Variants in XPO6 observed in about 807,000 individuals in gnomAD.
The protein encoded by XPO6 is exportin-6.
In XPO6, 3 loss-of-function variants were observed where a neutral mutation model predicts 130.0. The ratio of observed to expected loss-of-function variants is 0.02; its 90% CI spans 0.01 to 0.06. The LOEUF is 0.06. Among genes scored for constraint, XPO6 ranks in the 10% least tolerant of loss-of-function variants. The probability of loss-of-function intolerance (pLI) is 1.00; values close to 1 mark genes in which losing one functional copy is unlikely to be tolerated. For missense variants in XPO6, 970 were observed against 1,393.0 expected (o/e 0.70, Z 4.83); for synonymous variants, 524 against 548.9 (o/e 0.95, Z 0.63).
intron 9 of XPO6, among the ~76,000 whole-genome samples, chr16:28,141,189 T>C (rs1177206996): frequency 6.6e-6 from 1 of 152,176 alleles, no homozygotes; most frequent in African/African-American, 2.4e-5. Flanking sequence ...TTGTTTACAG[T>C]CCTATCTAAT....
At chr16:28,116,599 G>C (rs72789643) in intron 15 of XPO6, among the ~76,000 whole-genome samples, 1 of 151,686 alleles carries the variant, frequency 6.6e-6, no homozygotes, top group African/African-American at 2.4e-5. Flanking sequence ...CCTTTCACTC[G>C]AACACGTAAA....
intron 13 of XPO6, among the ~76,000 whole-genome samples, chr16:28,124,205 A>G (rs2087330612): frequency 6.6e-6 from 1 of 151,952 alleles, no homozygotes; most frequent in African/African-American, 2.4e-5. Flanking sequence ...TTACAGGCGC[A>G]TGTCCCCACG....
intron 1 of XPO6, among the ~76,000 whole-genome samples, chr16:28,204,135 T>C (rs1200389164): frequency 6.6e-6 from 1 of 152,162 alleles, no homozygotes; most frequent in Non-Finnish European, 1.5e-5. Context: ...TTGCCCACTA[T>C]GCCAAGAATT....
chr16:28,185,797 C>T (rs916974929), intron 1 of XPO6, among the ~76,000 whole-genome samples: 2 of 152,170 alleles, frequency 1.3e-5, no homozygotes, highest in Admixed American at 6.5e-5. Context: ...CTTGGCTCAC[C>T]TCAATAGCAA....
intron 7 of XPO6, 193 bp downstream of exon 7, chr16:28,155,881 T>G: frequency 7.4e-7 from 1 of 1,352,920 alleles, no homozygotes; most frequent in East Asian, 2.7e-5. Flanking sequence ...TTTTTCAAAC[T>G]CAGTCACTTC....
chr16:28,107,773 C>A, intron 17 of XPO6, 96 bp from the exon 18 acceptor site: 1 of 1,361,636 alleles, frequency 7.3e-7, no homozygotes, highest in Non-Finnish European at 1.0e-6. Flanking sequence ...GCAAAGGTAC[C>A]AAGAAGATGA....
intron 5 of XPO6, among the ~76,000 whole-genome samples, chr16:28,167,943 T>A (rs1189334753): frequency 1.2e-5 from 1 of 82,942 alleles, no homozygotes; most frequent in African/African-American, 4.6e-5. Flanking sequence ...TGGGGCGGGG[T>A]GGGGGAGGGT....
chr16:28,105,679 T>G (rs1480333877), intron 20 of XPO6: 1 of 184,654 alleles, frequency 5.4e-6, no homozygotes, highest in Admixed American at 5.6e-5. Context: ...TTGAATGGTT[T>G]CAAGAACTTG....
At chr16:28,157,519 A>C (rs1272748836) in intron 6 of XPO6, among the ~76,000 whole-genome samples, 3 of 152,222 alleles carry the variant, frequency 2.0e-5, no homozygotes, top group African/African-American at 4.8e-5. Context: ...AGGGAAAGTT[A>C]CCAGGCAGAC....
chr16:28,112,445 T>C (rs2086950532), intron 16 of XPO6, among the ~76,000 whole-genome samples: 1 of 152,182 alleles, frequency 6.6e-6, no homozygotes, highest in Non-Finnish European at 1.5e-5. Flanking sequence ...TGGTACCCTC[T>C]TCAAACCTTC....
At position 28,146,098 on chromosome 16, in the gene XPO6, T is replaced by C; in HGVS notation, c.1330A>G (p.Asn444Asp). 6.2e-7 allele frequency: 1 copy of C among 1,612,320 alleles called. No homozygotes were observed. The highest frequency in any genetic ancestry group is 8.5e-7 in the Non-Finnish European group (1 of 1,178,580). ...SRLGDKEAVL[N>D]RYEDALVLLL... ...TTCAGTGTTTGAGGAGTTTACCTGT[T>C]GAGAACTGCTTCCTTGTCTCCAAGA... Residue 444 changes from asparagine (N) to aspartate (D), a missense_variant, in exon 9 of 24, where the codon AAC becomes GAC. Around this residue, in one of 4 missense-constraint regions of XPO6, gnomAD observed 936 missense variants for 1,306.8 expected, o/e 0.72. Transcript: ENST00000304658.
chr16:28,189,257 T>TAAAA (rs34353034), intron 1 of XPO6, among the ~76,000 whole-genome samples: 5 of 134,598 alleles, frequency 3.7e-5, no homozygotes, highest in Non-Finnish European at 6.2e-5. Context: ...ACACTTCCTT[T>TAAAA]AAAAAAAAAA....
intron 7 of XPO6, chr16:28,154,621 G>C (rs1320995924): frequency 6.6e-6 from 1 of 152,188 alleles, no homozygotes; most frequent in Non-Finnish European, 1.5e-5. Context: ...AGCTTTCACA[G>C]GGCAATAGGA....
At chr16:28,182,865 C>T (rs1011327497) in intron 1 of XPO6, among the ~76,000 whole-genome samples, 1 of 148,870 alleles carries the variant, frequency 6.7e-6, no homozygotes, top group Admixed American at 6.7e-5. Context: ...TTTCATAAAT[C>T]GAGTCTGGTG....
Position 28,112,906 on chromosome 16 carries a change from T to C in XPO6, c.2149A>G (p.Lys717Glu). ...TDASALRLVD[K>E]AQVLVCRALS... is the part of the protein sequence containing the mutation. Reference sequence around the variant, plus strand: ...CCGGGGGAGCTCTGGGGCCTCACCTTATCGACAAGTCGCAGGGCAGAGGCA... The same window carrying C: ...CCGGGGGAGCTCTGGGGCCTCACCTCATCGACAAGTCGCAGGGCAGAGGCA... The change falls in exon 16 of 24, where the codon AAG becomes GAG. Residue 717 changes from lysine (K) to glutamate (E), a missense_variant and splice_region_variant. Lys to Glu is a moderately conservative substitution (Grantham distance 56, BLOSUM62 1). Coordinates refer to ENST00000304658, the MANE Select transcript of XPO6 (RefSeq NM_015171.4). The C allele has an allele frequency of 6.2e-7, 1 of 1,613,436 alleles. No homozygotes were observed. The highest frequency in any genetic ancestry group is 8.5e-7 in the Non-Finnish European group (1 of 1,179,576).
rs2086929359 is a variant in XPO6, at chr16:28,111,853, C to T, written c.2305G>A (p.Ala769Thr). Residue 769 changes from alanine (A) to threonine (T), a missense_variant, in exon 17 of 24, where the codon GCT (alanine) becomes ACT (threonine). By Grantham distance (58) the Ala-to-Thr change is moderately conservative (BLOSUM62 0). Transcript: ENST00000304658. ...GGCATCTTTCTCTGTGGGGCAACAG[C>T]ACTGGGCTTCAGGTTGCGATAGTCC... The part of the protein sequence containing the change: ...SRDYRNLKPS[A>T]VAPQRKMPLD... 1 of 1,614,174 alleles carries T rather than the reference C, an allele frequency of 6.2e-7. No individual in the cohort carries two copies. Among genetic ancestry groups the T allele is most frequent in the Non-Finnish European group, 8.5e-7 (1 of 1,180,022 alleles).
chr16:28,194,769 C>T (rs1199822019), intron 1 of XPO6, among the ~76,000 whole-genome samples: 5 of 152,058 alleles, frequency 3.3e-5, no homozygotes. Flanking sequence ...AGCCCCATCA[C>T]CACTGCCGCC....
At chr16:28,183,510 C>T (rs2043649991) in intron 1 of XPO6, 1 of 151,408 alleles carries the variant, frequency 6.6e-6, no homozygotes, top group African/African-American at 2.4e-5. Context: ...AAAACCAAAT[C>T]CGGGGCATTA....
At chr16:28,143,857 G>T (rs776160963) in intron 9 of XPO6, among the ~76,000 whole-genome samples, 1 of 152,138 alleles carries the variant, frequency 6.6e-6, no homozygotes, top group Non-Finnish European at 1.5e-5. Context: ...GGCTGGTCTT[G>T]AACTCCTGAC....
Sources: gnomAD v4.1 joint callset for allele counts (sites outside exome capture counted in the v4.1 genomes callset) on GRCh38, gnomAD v4.1.1 for gene constraint, gnomAD v4.1.1 regional missense constraint, MANE v1.5 for transcripts, NCBI Gene and HGNC (gene_info 2026-07-23, HGNC 2026-07-21) for gene names.